The following GPC5 variants were observed in gnomAD, a reference collection of about 807,000 sequenced individuals.
The protein encoded by GPC5 is glypican-5.
GPC5 carries 47 observed loss-of-function variants against 53.9 expected under a neutral mutation model. The observed-to-expected ratio is 0.87, with a 90% CI of 0.69 to 1.11. The LOEUF (loss-of-function observed/expected upper bound fraction) is 1.11. Ranked by LOEUF, GPC5 falls within the 50% of genes most tolerant of loss-of-function variation. GPC5 has a pLI of 0.00. For synonymous variants in GPC5, 286 were observed against 263.3 expected (o/e 1.09, Z -0.84); for missense variants, 748 against 713.1 (o/e 1.05, Z -0.56).
At chr13:91,800,352 T>C (rs1594575826) in intron 5 of GPC5, among the ~76,000 whole-genome samples, 1 of 152,078 alleles carries the variant, frequency 6.6e-6, no homozygotes, top group East Asian at 1.9e-4. Context: ...GTCTCTCTCA[T>C]CTAGTTTTCC....
At chr13:91,906,687 C>T (rs1014081505) in intron 5 of GPC5, among the ~76,000 whole-genome samples, 14 of 152,094 alleles carry the variant, frequency 9.2e-5, no homozygotes, top group Admixed American at 8.5e-4. Context: ...ATATAGCATG[C>T]ATTTAAGACA....
intron 2 of GPC5, among the ~76,000 whole-genome samples, chr13:91,577,992 G>A (rs2032201732): frequency 6.6e-6 from 1 of 152,158 alleles, no homozygotes; most frequent in African/African-American, 2.4e-5. Flanking sequence ...CTGTGGCTAG[G>A]CCATGAAAGA....
chr13:91,938,354 T>C (rs1238236791), intron 6 of GPC5, among the ~76,000 whole-genome samples: 3 of 152,088 alleles, frequency 2.0e-5, no homozygotes, highest in African/African-American at 7.2e-5. Flanking sequence ...AGAACTTGTG[T>C]GAACACAGAG....
intron 7 of GPC5, among the ~76,000 whole-genome samples, chr13:92,554,570 T>A (rs1327247891): frequency 1.3e-5 from 2 of 150,714 alleles, no homozygotes; most frequent in African/African-American, 4.9e-5. Flanking sequence ...AAACAAAAAT[T>A]CATCCCCAAA....
intron 7 of GPC5, among the ~76,000 whole-genome samples, chr13:92,486,245 G>A (rs368127783): frequency 2.6e-5 from 4 of 152,028 alleles, no homozygotes; most frequent in Non-Finnish European, 5.9e-5. Context: ...CAAAATTGAC[G>A]GATGTCAGTG....
chr13:91,778,987 C>G (rs997581235), intron 5 of GPC5, among the ~76,000 whole-genome samples: 10 of 152,082 alleles, frequency 6.6e-5, no homozygotes, highest in African/African-American at 2.4e-4. Context: ...ATTTGTGTAT[C>G]TAGACATAGA....
rs11839307 is a variant in GPC5 at position 92,090,737 on chromosome 13, C to T, written c.1402-54093C>T. Reference sequence around the variant, plus strand: ...AATTAGAAAATGATGTTTTGTGTAGCTGTATTTTGATTTAAAATTATGTGC... The same window carrying T: ...AATTAGAAAATGATGTTTTGTGTAGTTGTATTTTGATTTAAAATTATGTGC... On this transcript the variant is annotated intron_variant, in intron 6 of 7. Transcript: ENST00000377067. 2.0e-3 allele frequency among the ~76,000 whole-genome samples: 312 copies of T among 152,292 alleles called. 2 individuals are homozygous for T. Among genetic ancestry groups the T allele is most frequent in the African/African-American group, 7.1e-3 (294 of 41,552 alleles).
chr13:91,582,867 T>C (rs2032419200), intron 2 of GPC5, among the ~76,000 whole-genome samples: 1 of 152,056 alleles, frequency 6.6e-6, no homozygotes, highest in Admixed American at 6.6e-5. Flanking sequence ...ACAAAAATTA[T>C]CTGGGCATGG....
At chr13:92,655,011 A>G (rs139645360) in intron 7 of GPC5, among the ~76,000 whole-genome samples, 2 of 152,282 alleles carry the variant, frequency 1.3e-5, no homozygotes, top group East Asian at 1.9e-4. Context: ...TGCCACTGGC[A>G]AGAGTACCAA....
At chr13:92,435,906 C>T (rs1877286772) in intron 7 of GPC5, among the ~76,000 whole-genome samples, 1 of 152,162 alleles carries the variant, frequency 6.6e-6, no homozygotes. Context: ...TTCGAATTCA[C>T]ATATATCTAA....
At chr13:92,226,193 G>A (rs919191290) in intron 7 of GPC5, among the ~76,000 whole-genome samples, 1 of 152,096 alleles carries the variant, frequency 6.6e-6, no homozygotes, top group Non-Finnish European at 1.5e-5. Context: ...CCCCAGCCAT[G>A]CAGAACTGTG....
chr13:91,863,279 A>C (rs1047935774), intron 5 of GPC5, among the ~76,000 whole-genome samples: 2 of 152,064 alleles, frequency 1.3e-5, no homozygotes, highest in African/African-American at 4.8e-5. Context: ...TGACAGGTTG[A>C]TCATGGTTGT....
intron 7 of GPC5, among the ~76,000 whole-genome samples, chr13:92,487,141 G>A (rs1363935495): frequency 6.6e-6 from 1 of 152,082 alleles, no homozygotes; most frequent in Non-Finnish European, 1.5e-5. Context: ...CAGGGGCCGT[G>A]CCCAGCCAGG....
chr13:91,409,494 G>T (rs1375684368), intron 1 of GPC5, among the ~76,000 whole-genome samples: 1 of 152,026 alleles, frequency 6.6e-6, no homozygotes, highest in Non-Finnish European at 1.5e-5. Context: ...AAAACTTCAG[G>T]TTTTAAAATA....
intron 6 of GPC5, among the ~76,000 whole-genome samples, chr13:91,986,668 A>G (rs1028372031): frequency 6.6e-6 from 1 of 152,212 alleles, no homozygotes; most frequent in African/African-American, 2.4e-5. Context: ...AACAGTAATT[A>G]GACATGTATA....
intron 7 of GPC5, among the ~76,000 whole-genome samples, chr13:92,157,647 A>G (rs912741139): frequency 1.3e-5 from 2 of 152,204 alleles, no homozygotes; most frequent in Admixed American, 1.3e-4. Flanking sequence ...TATGTTAGGA[A>G]GAAACATGTT....
intron 7 of GPC5, among the ~76,000 whole-genome samples, chr13:92,182,850 CAG>C (rs2042157283): frequency 6.8e-6 from 1 of 147,666 alleles, no homozygotes; most frequent in African/African-American, 2.5e-5. Context: ...GCCTGGGCAA[CAG>C]AGCGAGACTC....
chr13:91,881,058 G>A (rs1444256267), intron 5 of GPC5, among the ~76,000 whole-genome samples: 2 of 151,978 alleles, frequency 1.3e-5, no homozygotes, highest in African/African-American at 2.4e-5. Flanking sequence ...CCCAAAATGC[G>A]GGGATTACAG....
chr13:91,567,845 C>T (rs989149929), intron 2 of GPC5, among the ~76,000 whole-genome samples: 3 of 152,150 alleles, frequency 2.0e-5, no homozygotes, highest in African/African-American at 7.2e-5. Flanking sequence ...TCTGTGTCCC[C>T]ACCCAAATCT....
Sources: gnomAD v4.1 joint callset for allele counts (sites outside exome capture counted in the v4.1 genomes callset) on GRCh38, gnomAD v4.1.1 for gene constraint, MANE v1.5 for transcripts, NCBI Gene and HGNC (gene_info 2026-07-23, HGNC 2026-07-21) for gene names.